CDKN2A: variants seen among roughly 807,000 people sequenced by gnomAD.
CDKN2A encodes cyclin-dependent kinase inhibitor 2A.
CDKN2A carries 3 observed loss-of-function variants against 11.1 expected under a neutral mutation model. The observed-to-expected ratio is 0.27, with a 90% CI of 0.12 to 0.70. The LOEUF (loss-of-function observed/expected upper bound fraction) is 0.70, where lower values mean the gene tolerates loss of function less well. CDKN2A is among the 30% of genes least tolerant of loss of function. The pLI, the probability that CDKN2A is intolerant of heterozygous loss-of-function variation, is 0.77. For missense variants in CDKN2A, 265 were observed against 233.6 expected (o/e 1.13, Z -0.88); for synonymous variants, 122 against 108.1 (o/e 1.13, Z -0.80).
intron 1 of CDKN2A, chr9:21,994,413 C>A: frequency 1.2e-6 from 2 of 1,605,516 alleles, no homozygotes; most frequent in Non-Finnish European, 1.7e-6. Flanking sequence ...ACTCCTGCCC[C>A]CTTAACTGCA....
intron 2 of CDKN2A, among the ~76,000 whole-genome samples, chr9:21,980,111 G>C (rs1022520676): frequency 1.3e-5 from 2 of 152,180 alleles, no homozygotes; most frequent in African/African-American, 2.4e-5. Context: ...CTGAGACCAA[G>C]TGACAGTTCT....
chr9:21,975,304 C>A (rs1334392502), upstream of CDKN2A, among the ~76,000 whole-genome samples: 1 of 152,176 alleles, frequency 6.6e-6, no homozygotes, highest in Non-Finnish European at 1.5e-5. Flanking sequence ...TTCCTTCCTC[C>A]GCGATACAAC....
At position 21,968,898 on chromosome 9, in the gene CDKN2A, A is replaced by C. The variant is rs537746850; in HGVS notation, c.458-656T>G. 4 of 905,884 alleles carry C rather than the reference A, an allele frequency of 4.4e-6. No individual in the cohort carries two copies. Among genetic ancestry groups the C allele is most frequent in the East Asian group, 5.3e-5 (2 of 37,774 alleles). 56.1% of individuals were successfully genotyped at this position (905,884 alleles called of 1,614,324 possible). ...GGCAGCATTTACACTTGAGAGTCTC[A>C]AGATTATTTTATTCCTGAGGGAGCA... is the stretch of plus-strand genomic sequence containing the variant. On this transcript the variant is annotated intron_variant, in intron 2 of 2. Transcript: ENST00000304494. The surrounding 1 kb of genome is among the most constrained non-coding windows in gnomAD (Gnocchi z 4.7).
chr9:21,974,021 G>T lies in CDKN2A; in HGVS notation c.150+657C>A, dbSNP rs1819902104. 6.6e-6 allele frequency among the ~76,000 whole-genome samples: 1 copy of T among 152,114 alleles called. No individual in the cohort carries two copies. The highest frequency in any genetic ancestry group is 1.5e-5 in the Non-Finnish European group (1 of 68,032). On this transcript the variant is annotated intron_variant, in intron 1 of 2. Coordinates refer to ENST00000304494, the MANE Select transcript of CDKN2A (RefSeq NM_000077.5). The surrounding 1 kb of genome is among the most constrained non-coding windows in gnomAD (Gnocchi z 5.2). ...TTCTCCTGCCTCAACCTCCCGAGTA[G>T]CTGGGATTACAGGCGCCTGCCACCA...
At chr9:21,985,227 A>C (rs891356844) in intron 2 of CDKN2A, among the ~76,000 whole-genome samples, 3 of 151,986 alleles carry the variant, frequency 2.0e-5, no homozygotes, top group Admixed American at 1.3e-4. Flanking sequence ...AACAGAATAT[A>C]CTGTATGTTT....
rs1040973418 is a variant in CDKN2A, at chr9:21,968,906, T to C, written c.458-664A>G. The C allele has an allele frequency of 2.3e-6, 2 of 867,096 alleles. No individual in the cohort carries two copies. Among genetic ancestry groups the C allele is most frequent in the Non-Finnish European group, 3.7e-6 (2 of 543,916 alleles). 53.7% of individuals were successfully genotyped at this position (867,096 alleles called of 1,614,324 possible). A position where few individuals can be genotyped will look rare whatever the true frequency, so the allele number is the denominator to read the frequency against. On this transcript the variant is annotated intron_variant, in intron 2 of 2. Transcript: ENST00000304494. The surrounding 1 kb of genome is among the most constrained non-coding windows in gnomAD (Gnocchi z 4.7). ...TTACACTTGAGAGTCTCAAGATTAT[T>C]TTATTCCTGAGGGAGCATTTGCACT...
upstream of CDKN2A, among the ~76,000 whole-genome samples, chr9:21,975,855 A>C (rs567311474): frequency 1.4e-4 from 21 of 152,260 alleles, no homozygotes; most frequent in Admixed American, 1.2e-3. Context: ...TCTCCTTCAC[A>C]CTTCTCACAT....
Position 21,968,546 on chromosome 9 carries a change from T to C in CDKN2A, c.458-304A>G, listed in dbSNP as rs2131080950. On this transcript the variant is annotated intron_variant, in intron 2 of 2. Coordinates refer to ENST00000304494, the MANE Select transcript of CDKN2A (RefSeq NM_000077.5). The surrounding 1 kb of genome is among the most constrained non-coding windows in gnomAD (Gnocchi z 4.7). ...CAGGGTTGCAAGAAGAAAACGAGTG[T>C]TATATAATGAGTCTCAGTGGTTGCT... The C allele has an allele frequency of 6.9e-7, 1 of 1,454,140 alleles. No individual in the cohort carries two copies. Among genetic ancestry groups the C allele is most frequent in the South Asian group, 1.4e-5 (1 of 69,070 alleles). 90.1% of individuals were successfully genotyped at this position (1,454,140 alleles called of 1,614,324 possible). A position where few individuals can be genotyped will look rare whatever the true frequency, so the allele number is the denominator to read the frequency against.
chr9:21,968,662 A>G lies in CDKN2A; in HGVS notation c.458-420T>C. 6.5e-7 allele frequency: 1 copy of G among 1,535,252 alleles called. No individual in the cohort carries two copies. The highest frequency in any genetic ancestry group is 8.7e-7 in the Non-Finnish European group (1 of 1,146,278). Reference sequence around the variant, plus strand: ...GCACCTGGTGCGGAGTGAGCCAGCCAGCTTGCGATAACCAAAGGGCGCCTC... The same window carrying G: ...GCACCTGGTGCGGAGTGAGCCAGCCGGCTTGCGATAACCAAAGGGCGCCTC... On this transcript the variant is annotated intron_variant, in intron 2 of 2. Transcript: ENST00000304494. The surrounding 1 kb of genome is among the most constrained non-coding windows in gnomAD (Gnocchi z 4.7).
At chr9:21,970,722 C>T in intron 2 of CDKN2A, 180 bp downstream of exon 2, 1 of 745,370 alleles carries the variant, frequency 1.3e-6, no homozygotes, top group Non-Finnish European at 2.2e-6. Flanking sequence ...GGGATTATTT[C>T]CCATTTGCCG....
intron 2 of CDKN2A, chr9:21,989,912 C>T (rs1820385121): frequency 6.6e-6 from 1 of 152,222 alleles, no homozygotes; most frequent in South Asian, 2.1e-4. Flanking sequence ...TGTTGGAGGA[C>T]CTCGTTCCAG....
upstream of CDKN2A, chr9:21,974,895 C>T (rs2131114954): frequency 1.4e-6 from 2 of 1,454,218 alleles, no homozygotes; most frequent in Non-Finnish European, 1.8e-6. The surrounding 1 kb of genome is among the most constrained non-coding windows in gnomAD (Gnocchi z 5.2). Context: ...CGGTCCGCCC[C>T]ACCCTCTGGT....
intron 2 of CDKN2A, chr9:21,969,540 G>C (rs1819590207): frequency 2.6e-6 from 1 of 390,528 alleles, no homozygotes; most frequent in African/African-American, 2.1e-5. Context: ...AGGAAGGGAG[G>C]AGGGAAGAAA....
rs1587326639 is a variant in CDKN2A at position 21,968,843 on chromosome 9, G to A, written c.458-601C>T. ...CTTCCTCTCTAATCTCGTTGCGTAT[G>A]GGCTCCAGCTCGCCGTTCGGTTCTC... is the stretch of plus-strand genomic sequence containing the variant. On this transcript the variant is annotated intron_variant, in intron 2 of 2. Transcript: ENST00000304494. This position sits in a 1 kb window ranked among gnomAD's most constrained non-coding sequence, Gnocchi z 4.7. The A allele has an allele frequency of 6.9e-7, 1 of 1,456,756 alleles. No individual in the cohort carries two copies. The highest frequency in any genetic ancestry group is 1.4e-5 in the African/African-American group (1 of 71,538). 90.2% of individuals were successfully genotyped at this position (1,456,756 alleles called of 1,614,324 possible). A position where few individuals can be genotyped will look rare whatever the true frequency, so the allele number is the denominator to read the frequency against.
In CDKN2A at chr9:21,983,540, T is replaced by C. The variant is rs147964570; in HGVS notation, c.-4+10342A>G. ...AGATATTTAAGGTGTTTCTAATTGCTACTAAAAATAGTATTGCAGTTTTTC... is the reference window on the plus strand; with the variant it reads ...AGATATTTAAGGTGTTTCTAATTGCCACTAAAAATAGTATTGCAGTTTTTC... On this transcript the variant is annotated intron_variant, in intron 2 of 3. Transcript: ENST00000494262. Among the ~76,000 whole-genome samples, 14 of 152,194 alleles carry C rather than the reference T, an allele frequency of 9.2e-5. 1 individual carries two copies. In the East Asian group the frequency reaches 2.3e-3, roughly 25 times the overall value.
In CDKN2A at chr9:21,967,907, C is replaced by G; in HGVS notation, c.*322G>C. The G allele has an allele frequency of 2.7e-6, 1 of 375,546 alleles. No homozygotes were observed. Among genetic ancestry groups the G allele is most frequent in the Non-Finnish European group, 4.8e-6 (1 of 208,622 alleles). 23.3% of individuals were successfully genotyped at this position (375,546 alleles called of 1,614,324 possible). A position where few individuals can be genotyped will look rare whatever the true frequency, so the allele number is the denominator to read the frequency against. ...GACAGCTTCCGGAGGCTGCGAGGCTCGCAAGAAATGCCCACATGAATGTGC... is the reference window on the plus strand; with the variant it reads ...GACAGCTTCCGGAGGCTGCGAGGCTGGCAAGAAATGCCCACATGAATGTGC... On this transcript the variant is annotated 3_prime_UTR_variant, in exon 3 of 3. Transcript: ENST00000304494.
rs775138423 is a variant in CDKN2A at position 21,991,354 on chromosome 9, C to T, written c.-4+2528G>A. The stretch of plus-strand genomic sequence containing the variant: ...TAGTGTTAGTGTATTTAATGTGTGT[C>T]CCAAGACAATTCTTCTTCTTCCTAT... On this transcript the variant is annotated intron_variant, in intron 2 of 3. Coordinates refer to the CDKN2A transcript ENST00000494262. This position sits in a 1 kb window ranked among gnomAD's most constrained non-coding sequence, Gnocchi z 5.2. Among the ~76,000 whole-genome samples the T allele has an allele frequency of 1.3e-5, 2 of 151,122 alleles. No homozygotes were observed. The highest frequency in any genetic ancestry group is 2.4e-5 in the African/African-American group (1 of 40,998).
In CDKN2A at chr9:21,970,994, C is replaced by T. The variant is rs373291490; in HGVS notation, c.365G>A (p.Gly122Asp). 1 of 1,609,724 alleles carries T rather than the reference C, an allele frequency of 6.2e-7. No homozygotes were observed. The highest frequency in any genetic ancestry group is 8.5e-7 in the Non-Finnish European group (1 of 1,179,966). ...RLPVDLAEELGHRDVARYLRA... is the reference protein window; with the variant it reads ...RLPVDLAEELDHRDVARYLRA... The stretch of plus-strand genomic sequence containing the variant: ...CAGGTACCGTGCGACATCGCGATGG[C>T]CCAGCTCCTCAGCCAGGTCCACGGG... Residue 122 changes from glycine to aspartate, a missense_variant, in exon 2 of 3, where the codon GGC becomes GAC. Physicochemically the swap from Gly to Asp is moderately conservative, Grantham distance 94. Coordinates refer to ENST00000304494, the MANE Select transcript of CDKN2A (RefSeq NM_000077.5).
Position 21,968,902 on chromosome 9 carries a change from T to G in CDKN2A, c.458-660A>C. ...GCATTTACACTTGAGAGTCTCAAGA[T>G]TATTTTATTCCTGAGGGAGCATTTG... On this transcript the variant is annotated intron_variant, in intron 2 of 2. Coordinates refer to ENST00000304494, the MANE Select transcript of CDKN2A (RefSeq NM_000077.5). The surrounding 1 kb of genome is among the most constrained non-coding windows in gnomAD (Gnocchi z 4.7). 1.1e-6 allele frequency: 1 copy of G among 880,302 alleles called. No individual in the cohort carries two copies. Among genetic ancestry groups the G allele is most frequent in the South Asian group, 1.5e-5 (1 of 68,342 alleles). 54.5% of individuals were successfully genotyped at this position (880,302 alleles called of 1,614,324 possible).
Sources: gnomAD v4.1 joint callset for allele counts (sites outside exome capture counted in the v4.1 genomes callset) on GRCh38, gnomAD v4.1.1 for gene constraint, Gnocchi (gnomAD v3.1) non-coding constraint, MANE v1.5 for transcripts, NCBI Gene and HGNC (gene_info 2026-07-23, HGNC 2026-07-21) for gene names.